PDXK: variants seen among roughly 807,000 people sequenced by gnomAD.
PDXK encodes epididymis secretory sperm binding protein Li 1a.
In PDXK, 15 loss-of-function variants were observed where a neutral mutation model predicts 43.2. That is an observed-to-expected ratio of 0.35 (90% CI 0.23 to 0.53). The LOEUF (loss-of-function observed/expected upper bound fraction) is 0.53. Ranked by LOEUF, PDXK falls within the 20% of genes least tolerant of loss-of-function variation. The pLI is 0.92. For missense variants in PDXK, 343 were observed against 417.0 expected, an observed-to-expected ratio of 0.82 and a Z score of 1.54; for synonymous variants, 172 against 165.4, an observed-to-expected ratio of 1.04 and a Z score of -0.31.
At position 43,760,181 on chromosome 21, in the gene PDXK, G is replaced by GTTTTTTT. The variant is rs546193405; in HGVS notation, c.*4125_*4131dup. 1 of 147,952 alleles carries GTTTTTTT rather than the reference G, an allele frequency of 6.8e-6. No individual in the cohort carries two copies. The allele number at this position is 147,952 out of a possible 1,614,324, so 9.2% of individuals were successfully genotyped here. ...AATCTTGGATTTTTTGTTTTTTTTT[G>GTTTTTTT]TTTTTTTTTTTTTGAGGTGAAGTCT... On this transcript the variant is annotated 3_prime_UTR_variant, in exon 11 of 11. Coordinates refer to ENST00000291565, the MANE Select transcript of PDXK (RefSeq NM_003681.5).
intron 5 of PDXK, among the ~76,000 whole-genome samples, chr21:43,747,836 C>T (rs1601825565): frequency 6.6e-6 from 1 of 152,334 alleles, no homozygotes; most frequent in African/African-American, 2.4e-5. Flanking sequence ...CTCCCCTTTC[C>T]GTGAGGTTAA....
intron 2 of PDXK, chr21:43,738,622 A>G (rs930718235): frequency 1.3e-5 from 2 of 152,384 alleles, no homozygotes; most frequent in South Asian, 4.1e-4. Flanking sequence ...TTCAAGGAGA[A>G]AGACATTCCT....
chr21:43,719,237 G>A lies in PDXK; in HGVS notation c.-58G>A, dbSNP rs2083186231. On this transcript the variant is annotated 5_prime_UTR_variant, in exon 1 of 11. Transcript: ENST00000291565. ...GAGCCCGAGCCGAGCCGGAGCCCGA[G>A]CGAGCGGCGGAGACCGTGCCCCCGC... 1 of 1,028,236 alleles carries A rather than the reference G, an allele frequency of 9.7e-7. No individual in the cohort carries two copies. Among genetic ancestry groups the A allele is most frequent in the African/African-American group, 1.7e-5 (1 of 59,076 alleles). The allele number at this position is 1,028,236 out of a possible 1,614,324, so 63.7% of individuals were successfully genotyped here.
chr21:43,755,890 T>C, intron 10 of PDXK, 61 bp from the exon 11 acceptor site: 2 of 1,453,290 alleles, frequency 1.4e-6, no homozygotes, highest in South Asian at 1.1e-5. Context: ...CCTCTGGGAG[T>C]GGGGGCAACA....
rs1337087751 is a variant in PDXK at position 43,734,765 on chromosome 21, G to C, written c.142+642G>C. On this transcript the variant is annotated intron_variant, in intron 2 of 10. Transcript: ENST00000291565. The surrounding 1 kb of genome is among the most constrained non-coding windows in gnomAD (Gnocchi z 5.0). Reference sequence around the variant, plus strand: ...ATGCCCCCAGCCCCATGGCCTGGGGGTGGAGGTGCGTGGAGTCCCCCCTCC... The same window carrying C: ...ATGCCCCCAGCCCCATGGCCTGGGGCTGGAGGTGCGTGGAGTCCCCCCTCC... 6.6e-6 allele frequency among the ~76,000 whole-genome samples: 1 copy of C among 152,146 alleles called. No homozygotes were observed. Among genetic ancestry groups the C allele is most frequent in the Non-Finnish European group, 1.5e-5 (1 of 68,032 alleles).
At chr21:43,728,240 G>C (rs1482235290) in intron 1 of PDXK, among the ~76,000 whole-genome samples, 1 of 152,182 alleles carries the variant, frequency 6.6e-6, no homozygotes, top group African/African-American at 2.4e-5. Context: ...GTGGATCATA[G>C]GGCTGACCAG....
Position 43,737,831 on chromosome 21 carries a change from G to A in PDXK, c.142+3708G>A. ...CGCCCGAGGAACCGCTTGTTTGCCTGTGCTTTTTCATCTGTAAATGGAATG... is the reference window on the plus strand; with the variant it reads ...CGCCCGAGGAACCGCTTGTTTGCCTATGCTTTTTCATCTGTAAATGGAATG... On this transcript the variant is annotated intron_variant, in intron 2 of 10. Coordinates refer to ENST00000291565, the MANE Select transcript of PDXK (RefSeq NM_003681.5). The surrounding 1 kb of genome is among the most constrained non-coding windows in gnomAD (Gnocchi z 4.8). 3.0e-6 allele frequency: 3 copies of A among 985,536 alleles called. No individual in the cohort carries two copies. Among genetic ancestry groups the A allele is most frequent in the South Asian group, 4.7e-5 (1 of 21,290 alleles). 61.0% of individuals were successfully genotyped at this position (985,536 alleles called of 1,614,324 possible).
intron 2 of PDXK, chr21:43,738,677 C>T (rs1344599862): frequency 1.3e-5 from 2 of 152,428 alleles, no homozygotes; most frequent in Non-Finnish European, 1.5e-5. Flanking sequence ...CCTGGTTAAG[C>T]CCGCTCCCAC....
Position 43,756,927 on chromosome 21 carries a change from C to T in PDXK, c.*864C>T, listed in dbSNP as rs894860219. The T allele has an allele frequency of 1.3e-5, 2 of 152,356 alleles. No homozygotes were observed. Among genetic ancestry groups the T allele is most frequent in the African/African-American group, 4.8e-5 (2 of 41,470 alleles). The allele number at this position is 152,356 out of a possible 1,614,324, so 9.4% of individuals were successfully genotyped here. ...GTGGTGCAGCAGGCTGAGCACTGCG[C>T]GTTTGCCACGTGCTGCCCGTGACAG... is the stretch of plus-strand genomic sequence containing the variant. On this transcript the variant is annotated 3_prime_UTR_variant, in exon 11 of 11. Transcript: ENST00000291565.
At chr21:43,740,981 C>G (rs73375207) in intron 2 of PDXK, 33,690 of 144,800 alleles carry the variant, frequency 0.23, 5,125 homozygotes, top group African/African-American at 0.42. Context: ...TGACGTTGTG[C>G]GGAGGGAGTA....
chr21:43,720,900 T>C (rs1285572511), intron 1 of PDXK, among the ~76,000 whole-genome samples: 3 of 152,216 alleles, frequency 2.0e-5, no homozygotes, highest in Middle Eastern at 3.2e-3. Context: ...TTGGGCAAAC[T>C]GTTTCCTTCT....
chr21:43,741,764 G>C lies in PDXK; in HGVS notation c.240G>C (p.Val80=), dbSNP rs1434651925. 6.2e-7 allele frequency: 1 copy of C among 1,602,910 alleles called. No homozygotes were observed. Among genetic ancestry groups the C allele is most frequent in the East Asian group, 2.2e-5 (1 of 44,832 alleles). The stretch of plus-strand genomic sequence containing the variant: ...ACAACATGAATAAATATGACTACGT[G>C]CTCACAGGTAGGTGCCGGAGCAAGC... The part of the protein sequence containing the change: ...RLNNMNKYDY[V]LTGYTRDKSF... The change falls in exon 3 of 11, where the codon GTG becomes GTC. Residue 80 remains valine, a synonymous_variant. Coordinates refer to ENST00000291565, the MANE Select transcript of PDXK (RefSeq NM_003681.5).
chr21:43,743,200 C>T (rs2083571002), intron 3 of PDXK, among the ~76,000 whole-genome samples: 1 of 110,100 alleles, frequency 9.1e-6, no homozygotes, highest in Non-Finnish European at 1.9e-5. Flanking sequence ...TCGCCTGCAT[C>T]CACCTCCCTC....
chr21:43,738,779 C>A (rs1049644381), intron 2 of PDXK: 2 of 152,536 alleles, frequency 1.3e-5, no homozygotes, highest in African/African-American at 4.8e-5. Flanking sequence ...CTGTGACGCA[C>A]TGCCTCCCTT....
intron 1 of PDXK, chr21:43,728,782 C>T (rs1431577766): frequency 4.1e-6 from 4 of 985,542 alleles, no homozygotes; most frequent in East Asian, 1.1e-4. Flanking sequence ...GTGTCGCGGG[C>T]GGCAGGGGGA....
At chr21:43,731,916 T>C (rs2083323417) in intron 1 of PDXK, among the ~76,000 whole-genome samples, 1 of 152,194 alleles carries the variant, frequency 6.6e-6, no homozygotes, top group Admixed American at 6.5e-5. Flanking sequence ...AAGAGAATTG[T>C]TGGACTCTTT....
intron 4 of PDXK, 103 bp from the exon 5 acceptor site, chr21:43,745,976 A>C: frequency 1.1e-6 from 1 of 931,382 alleles, no homozygotes; most frequent in East Asian, 2.5e-5. Context: ...CAGCCTGGAC[A>C]ACAGAGCAAG....
chr21:43,742,733 AATT>A (rs1393774443), intron 3 of PDXK, among the ~76,000 whole-genome samples: 3 of 152,062 alleles, frequency 2.0e-5, no homozygotes, highest in Non-Finnish European at 2.9e-5. Context: ...TTTAAAAATT[AATT>A]AGCTGGGCAC....
chr21:43,743,925 C>A, intron 4 of PDXK, 118 bp downstream of exon 4: 2 of 703,056 alleles, frequency 2.8e-6, no homozygotes, highest in Non-Finnish European at 2.5e-6. Flanking sequence ...CCGTGCCCCG[C>A]CTCTCCGGGC....
Sources: allele counts gnomAD v4.1 joint callset (sites outside exome capture counted in the v4.1 genomes callset), GRCh38; gene constraint gnomAD v4.1.1; non-coding constraint Gnocchi (gnomAD v3.1); transcripts MANE v1.5; gene names NCBI Gene and HGNC (gene_info 2026-07-23, HGNC 2026-07-21).